Variants in MAGEC3 observed in about 807,000 individuals in gnomAD.
MAGEC3 encodes the protein MAGE family member C3.
Under a neutral mutation model 35.3 loss-of-function variants are expected in MAGEC3, and 34 were observed. That is an observed-to-expected ratio of 0.96 (90% CI 0.73 to 1.28). The LOEUF is 1.28. MAGEC3 is among the 50% of genes most tolerant of loss of function. The pLI, the probability that MAGEC3 is intolerant of heterozygous loss-of-function variation, is 0.00. For missense variants in MAGEC3, 561 were observed against 483.6 expected (o/e 1.16, Z -1.50); for synonymous variants, 202 against 185.6 (o/e 1.09, Z -0.72).
At chrX:141,867,509 A>G (rs1230269264) in intron 2 of MAGEC3, among the ~76,000 whole-genome samples, 1 of 111,992 alleles carries the variant, frequency 8.9e-6, no homozygotes. Context: ...AAAAACTCTT[A>G]GTCTGTAAAA....
intron 1 of MAGEC3, among the ~76,000 whole-genome samples, chrX:141,846,487 G>A (rs1267045884): frequency 9.1e-6 from 1 of 110,166 alleles, no homozygotes; most frequent in Non-Finnish European, 1.9e-5. Context: ...ACAGGACAAT[G>A]AGATGAAAAT....
intron 2 of MAGEC3, among the ~76,000 whole-genome samples, chrX:141,875,923 A>G (rs1267587557): frequency 9.0e-6 from 1 of 111,601 alleles, no homozygotes; most frequent in African/African-American, 3.3e-5. Context: ...ACTGAGCCAA[A>G]GCTGAAGAAG....
chrX:141,840,025 A>C, intron 1 of MAGEC3: 1 of 751,539 alleles, frequency 1.3e-6, no homozygotes, highest in Non-Finnish European at 1.6e-6. Flanking sequence ...CTTTCCAAAA[A>C]TTTGCTGCAT....
chrX:141,873,335 T>C (rs1224576595), intron 2 of MAGEC3, among the ~76,000 whole-genome samples: 2 of 111,097 alleles, frequency 1.8e-5, no homozygotes, highest in Non-Finnish European at 3.8e-5. Context: ...GGGAAAGGAA[T>C]GTGCTTATTA....
chrX:141,897,339 C>A lies in MAGEC3; in HGVS notation c.1581C>A (p.Asp527Glu). The change falls in exon 7 of 8, where the codon GAC (aspartate) becomes GAA (glutamate). Residue 527 changes from aspartate to glutamate, a missense_variant. Transcript: ENST00000298296. ...DPDNHSYFFE[D>E]TLDLTYEGSL... ...ACAACCACTCCTATTTCTTTGAAGA[C>A]ACATTAGACCTCACCTATGAGGGAA... is the stretch of plus-strand genomic sequence containing the variant. 8.3e-7 allele frequency: 1 copy of A among 1,211,696 alleles called. No homozygotes were observed. The highest frequency in any genetic ancestry group is 1.1e-6 in the Non-Finnish European group (1 of 895,480).
intron 1 of MAGEC3, among the ~76,000 whole-genome samples, chrX:141,845,761 G>A (rs922652777): frequency 1.4e-4 from 15 of 110,726 alleles, no homozygotes; most frequent in African/African-American, 4.9e-4. Context: ...AGCTCTTATA[G>A]GGGAGAAAAA....
chrX:141,847,639 C>T (rs777710671), intron 1 of MAGEC3, among the ~76,000 whole-genome samples: 2 of 111,235 alleles, frequency 1.8e-5, no homozygotes, highest in Non-Finnish European at 1.9e-5. Context: ...ATAAATCGTA[C>T]AGATAATTAG....
chrX:141,854,582 C>T (rs2017769591), intron 1 of MAGEC3, among the ~76,000 whole-genome samples: 1 of 111,137 alleles, frequency 9.0e-6, no homozygotes, highest in Non-Finnish European at 1.9e-5. Flanking sequence ...TTTCGTCTTC[C>T]TCGTTCTCCC....
intron 4 of MAGEC3, among the ~76,000 whole-genome samples, chrX:141,886,897 G>A (rs1379142300): frequency 1.8e-5 from 2 of 111,996 alleles, no homozygotes; most frequent in East Asian, 5.7e-4. Context: ...AGGGATTGTG[G>A]AGATGAGTGC....
At chrX:141,870,837 A>G (rs1211790026) in intron 2 of MAGEC3, among the ~76,000 whole-genome samples, 2 of 112,156 alleles carry the variant, frequency 1.8e-5, no homozygotes, top group East Asian at 2.8e-4. Flanking sequence ...GGCCTTACCA[A>G]TTGTGACACA....
chrX:141,861,761 A>G (rs990641988), intron 1 of MAGEC3, among the ~76,000 whole-genome samples: 1 of 111,864 alleles, frequency 8.9e-6, no homozygotes, highest in African/African-American at 3.2e-5. Context: ...TTTTTACCAT[A>G]TACAAAAATC....
At chrX:141,845,016 T>C (rs1368477588) in intron 1 of MAGEC3, among the ~76,000 whole-genome samples, 2 of 111,022 alleles carry the variant, frequency 1.8e-5, no homozygotes, top group Non-Finnish European at 3.8e-5. Flanking sequence ...GATATTTCCT[T>C]TGCTAGTTCT....
intron 1 of MAGEC3, among the ~76,000 whole-genome samples, chrX:141,848,971 C>G (rs2017734100): frequency 9.0e-6 from 1 of 111,201 alleles, no homozygotes; most frequent in African/African-American, 3.3e-5. Context: ...AAAATAAATA[C>G]ATTTATAGAA....
At chrX:141,844,686 T>C (rs1288361306) in intron 1 of MAGEC3, among the ~76,000 whole-genome samples, 2 of 111,433 alleles carry the variant, frequency 1.8e-5, no homozygotes, top group Non-Finnish European at 3.8e-5. Context: ...TAATTTAATC[T>C]CTGTTTTTAT....
intron 1 of MAGEC3, among the ~76,000 whole-genome samples, chrX:141,851,396 GA>G (rs2017750018): frequency 9.1e-6 from 1 of 110,291 alleles, no homozygotes; most frequent in Non-Finnish European, 1.9e-5. Flanking sequence ...ATCAGATTGT[GA>G]GGGCTGTGTT....
intron 1 of MAGEC3, among the ~76,000 whole-genome samples, chrX:141,850,396 G>T (rs1266677738): frequency 9.0e-6 from 1 of 111,209 alleles, no homozygotes; most frequent in Non-Finnish European, 1.9e-5. Flanking sequence ...TTAAAAAAAG[G>T]TTCACTTGAA....
chrX:141,894,622 C>T, intron 4 of MAGEC3: 2 of 960,668 alleles, frequency 2.1e-6, no homozygotes, highest in Non-Finnish European at 2.7e-6. Context: ...ACTGAGGGGC[C>T]TTCCCACCTC....
At chrX:141,845,210 A>G (rs1042673597) in intron 1 of MAGEC3, among the ~76,000 whole-genome samples, 1 of 111,117 alleles carries the variant, frequency 9.0e-6, no homozygotes, top group African/African-American at 3.3e-5. Context: ...TTAGATACAA[A>G]TAAAGAACTA....
intron 4 of MAGEC3, among the ~76,000 whole-genome samples, chrX:141,884,790 C>T: frequency 9.0e-6 from 1 of 111,615 alleles, no homozygotes; most frequent in Middle Eastern, 4.6e-3. Flanking sequence ...TACCTTTGAC[C>T]ATATGTGGAG....
Sources: allele counts gnomAD v4.1 joint callset (sites outside exome capture counted in the v4.1 genomes callset), GRCh38; gene constraint gnomAD v4.1.1; transcripts MANE v1.5; gene names NCBI Gene and HGNC (gene_info 2026-07-23, HGNC 2026-07-21).